The following SMYD3 variants were observed in gnomAD, a reference collection of about 807,000 sequenced individuals.
The protein encoded by SMYD3 is histone-lysine N-methyltransferase SMYD3.
SMYD3 carries 36 observed loss-of-function variants against 57.7 expected under a neutral mutation model. The observed-to-expected ratio is 0.62, with a 90% confidence interval of 0.48 to 0.82. SMYD3 has a LOEUF of 0.82. Among genes scored for constraint, SMYD3 ranks in the 40% least tolerant of loss-of-function variants. SMYD3 has a pLI of 0.00. For missense variants in SMYD3, 515 were observed against 538.8 expected, an observed-to-expected ratio of 0.96 and a Z score of 0.44; for synonymous variants, 211 against 195.0, an observed-to-expected ratio of 1.08 and a Z score of -0.68.
At chr1:246,190,325 G>A (rs547183488) in intron 5 of SMYD3, among the ~76,000 whole-genome samples, 6 of 152,242 alleles carry the variant, frequency 3.9e-5, no homozygotes, top group South Asian at 4.2e-4. Flanking sequence ...GGTGGCTCAC[G>A]CCTGTAATCC....
chr1:246,459,105 A>G (rs1271109654), intron 1 of SMYD3, among the ~76,000 whole-genome samples: 2 of 152,178 alleles, frequency 1.3e-5, no homozygotes, highest in Non-Finnish European at 2.9e-5. Flanking sequence ...TGTTCTCCTT[A>G]CAGAGTTCTC....
chr1:246,283,942 A>T (rs2064503351), intron 5 of SMYD3, among the ~76,000 whole-genome samples: 1 of 152,250 alleles, frequency 6.6e-6, no homozygotes, highest in Non-Finnish European at 1.5e-5. Context: ...AAGCATTTAA[A>T]TGTAGCACAT....
intron 1 of SMYD3, among the ~76,000 whole-genome samples, chr1:246,366,561 T>C (rs924628764): frequency 6.9e-6 from 1 of 144,798 alleles, no homozygotes; most frequent in Non-Finnish European, 1.5e-5. Context: ...GAGAAAACCT[T>C]CTTTTTCTCT....
chr1:246,209,471 A>G (rs1316311821), intron 5 of SMYD3, among the ~76,000 whole-genome samples: 1 of 152,218 alleles, frequency 6.6e-6, no homozygotes, highest in Admixed American at 6.5e-5. Context: ...GTTATCTATT[A>G]GAAGACTGTA....
At chr1:245,869,468 G>A (rs371833857) in intron 8 of SMYD3, among the ~76,000 whole-genome samples, 2 of 152,316 alleles carry the variant, frequency 1.3e-5, no homozygotes, top group Non-Finnish European at 2.9e-5. Context: ...AGTGATTTCA[G>A]CAGTGCAGAA....
intron 10 of SMYD3, among the ~76,000 whole-genome samples, chr1:245,768,817 G>GC (rs1178453166): frequency 6.6e-6 from 1 of 152,056 alleles, no homozygotes; most frequent in Non-Finnish European, 1.5e-5. Flanking sequence ...ATGGAAAGCA[G>GC]CCCTCACCAG....
chr1:246,035,002 G>C (rs1019748242), intron 5 of SMYD3, among the ~76,000 whole-genome samples: 1 of 151,922 alleles, frequency 6.6e-6, no homozygotes, highest in African/African-American at 2.4e-5. Flanking sequence ...ATAGTGTTCC[G>C]GCCTCAAAAA....
intron 10 of SMYD3, among the ~76,000 whole-genome samples, chr1:245,797,251 A>AC (rs1254718110): frequency 6.6e-6 from 1 of 152,174 alleles, no homozygotes; most frequent in Non-Finnish European, 1.5e-5. Context: ...AGCAGTACTC[A>AC]CAATAGCAAA....
intron 1 of SMYD3, among the ~76,000 whole-genome samples, chr1:246,492,361 T>C (rs2068285159): frequency 6.6e-6 from 1 of 152,134 alleles, no homozygotes; most frequent in Non-Finnish European, 1.5e-5. Context: ...GTGATTCCAG[T>C]GTGCAGCTAA....
At chr1:246,251,468 G>A (rs1181024052) in intron 5 of SMYD3, among the ~76,000 whole-genome samples, 1 of 148,036 alleles carries the variant, frequency 6.8e-6, no homozygotes, top group Non-Finnish European at 1.5e-5. Context: ...CCCGGCTTTA[G>A]TAGGTGCCTC....
intron 1 of SMYD3, among the ~76,000 whole-genome samples, chr1:246,424,498 T>G (rs1235647072): frequency 6.6e-6 from 1 of 152,182 alleles, no homozygotes. Context: ...TAAGCTGGTC[T>G]GTGTTAGTGC....
chr1:245,944,624 G>T (rs1400179566), intron 5 of SMYD3, among the ~76,000 whole-genome samples: 1 of 152,086 alleles, frequency 6.6e-6, no homozygotes, highest in African/African-American at 2.4e-5. Context: ...ATTATTCACA[G>T]AATTAGAAAA....
intron 5 of SMYD3, among the ~76,000 whole-genome samples, chr1:245,968,958 T>C (rs1049819379): frequency 6.6e-6 from 1 of 152,172 alleles, no homozygotes; most frequent in Non-Finnish European, 1.5e-5. Context: ...TTCTGCATCA[T>C]AGGGCTATGA....
intron 10 of SMYD3, among the ~76,000 whole-genome samples, chr1:245,805,417 A>G (rs2048103535): frequency 6.6e-6 from 1 of 152,244 alleles, no homozygotes; most frequent in Non-Finnish European, 1.5e-5. Context: ...TATCCTAACC[A>G]TAAGAGTAGC....
intron 5 of SMYD3, among the ~76,000 whole-genome samples, chr1:246,195,993 G>A (rs2062825959): frequency 1.3e-5 from 2 of 152,096 alleles, no homozygotes; most frequent in African/African-American, 4.8e-5. Flanking sequence ...GGATGATACT[G>A]TCTTTAAAGC....
At chr1:246,178,139 C>G (rs1299658591) in intron 5 of SMYD3, among the ~76,000 whole-genome samples, 1 of 152,100 alleles carries the variant, frequency 6.6e-6, no homozygotes, top group Non-Finnish European at 1.5e-5. Context: ...GGTGAAATGG[C>G]AGGAGGAGGG....
intron 8 of SMYD3, among the ~76,000 whole-genome samples, chr1:245,906,757 G>C (rs905401721): frequency 7.2e-5 from 11 of 152,188 alleles, no homozygotes; most frequent in Admixed American, 5.9e-4. Context: ...TCCATCAGCA[G>C]ATGAATGCAT....
At chr1:246,444,065 T>C (rs985746547) in intron 1 of SMYD3, among the ~76,000 whole-genome samples, 4 of 152,092 alleles carry the variant, frequency 2.6e-5, no homozygotes, top group African/African-American at 9.7e-5. Context: ...AGGAAACATC[T>C]ATGATTTTGA....
chr1:245,983,639 TCAAA>T (rs2058645665), intron 5 of SMYD3, among the ~76,000 whole-genome samples: 1 of 152,246 alleles, frequency 6.6e-6, no homozygotes, highest in Non-Finnish European at 1.5e-5. Context: ...GAATCCTTGC[TCAAA>T]CATTCTCCTT....
Sources: allele counts gnomAD v4.1 joint callset (sites outside exome capture counted in the v4.1 genomes callset), GRCh38; gene constraint gnomAD v4.1.1; transcripts MANE v1.5; gene names NCBI Gene and HGNC (gene_info 2026-07-23, HGNC 2026-07-21).